The following RARB variants were observed in gnomAD, a reference collection of about 807,000 sequenced individuals.
The protein encoded by RARB is HBV-activated protein.
Under a neutral mutation model 51.9 loss-of-function variants are expected in RARB, and 17 were observed. That is an observed-to-expected ratio of 0.33 (90% CI 0.22 to 0.49). RARB has a LOEUF of 0.49. RARB is among the 20% of genes least tolerant of loss of function. RARB has a pLI of 0.99. For missense variants in RARB, 369 were observed against 550.8 expected (o/e 0.67, Z 3.30); for synonymous variants, 215 against 195.4 (o/e 1.10, Z -0.84).
rs367964482 is a variant in RARB at position 24,860,755 on chromosome 3, A to T, written c.-380+2003A>T. 3.1e-4 allele frequency among the ~76,000 whole-genome samples: 47 copies of T among 152,330 alleles called. 1 individual carries two copies. In the South Asian group the frequency reaches 9.5e-3, roughly 31 times the overall value. On this transcript the variant is annotated intron_variant, in intron 2 of 11. Coordinates refer to the RARB transcript ENST00000383772. ...TGAGACTATTTAAAAAGGAAAGCAT[A>T]ACTTGTGTCAGGTGATAATGTGCTG...
chr3:25,085,647 A>G (rs990628268), intron 3 of RARB, among the ~76,000 whole-genome samples: 2 of 152,180 alleles, frequency 1.3e-5, no homozygotes, highest in Admixed American at 1.3e-4. Context: ...ATATTTATAA[A>G]TCAGATTTTT....
chr3:25,391,290 A>C (rs537783453), intron 5 of RARB, among the ~76,000 whole-genome samples: 1 of 151,996 alleles, frequency 6.6e-6, no homozygotes, highest in East Asian at 1.9e-4. Context: ...TTATCTACTC[A>C]TTGTCTTATG....
intron 3 of RARB, among the ~76,000 whole-genome samples, chr3:25,507,219 A>G (rs766202025): frequency 6.6e-6 from 1 of 152,230 alleles, no homozygotes; most frequent in Non-Finnish European, 1.5e-5. Flanking sequence ...TAGCCCCTGA[A>G]TATAGCATGA....
At chr3:25,181,841 C>G (rs1700867841) in intron 5 of RARB, among the ~76,000 whole-genome samples, 1 of 152,076 alleles carries the variant, frequency 6.6e-6, no homozygotes, top group African/African-American at 2.4e-5. Context: ...AATCATGTCA[C>G]CGATGGCAGT....
At chr3:25,179,808 A>C in intron 5 of RARB, among the ~76,000 whole-genome samples, 1 of 152,086 alleles carries the variant, frequency 6.6e-6, no homozygotes, top group East Asian at 1.9e-4. Context: ...CAAAAACAAG[A>C]ATCTTTGTGT....
In RARB at chr3:25,473,921, G is replaced by GAAAAAAA. The variant is rs533183147; in HGVS notation, c.306+12586_306+12592dup. On this transcript the variant is annotated intron_variant, in intron 2 of 7. Transcript: ENST00000330688. ...TGGAGGTATTTTCTATGTCTGGCAG[G>GAAAAAAA]AAAAAAAAAAAACCTTTATCTTGGC... 2.6e-4 allele frequency among the ~76,000 whole-genome samples: 28 copies of GAAAAAAA among 108,298 alleles called. 3 individuals carry two copies. Among genetic ancestry groups the GAAAAAAA allele is most frequent in the Non-Finnish European group, 4.2e-4 (24 of 57,154 alleles). The allele number at this position is 108,298 out of a possible 152,430, so 71.0% of individuals were successfully genotyped here. A position where few individuals can be genotyped will look rare whatever the true frequency, so the allele number is the denominator to read the frequency against.
At chr3:25,342,961 G>T (rs544785209) in intron 5 of RARB, among the ~76,000 whole-genome samples, 2 of 151,730 alleles carry the variant, frequency 1.3e-5, no homozygotes, top group Non-Finnish European at 2.9e-5. Context: ...GTTTAAGAGG[G>T]GGGAGGGGAA....
At chr3:24,899,481 G>A (rs1203051422) in intron 2 of RARB, among the ~76,000 whole-genome samples, 6 of 152,124 alleles carry the variant, frequency 3.9e-5, no homozygotes, top group Non-Finnish European at 8.8e-5. Context: ...ATATTATATG[G>A]TTTTCTTTGC....
chr3:25,492,424 G>A (rs1696786346), intron 2 of RARB, among the ~76,000 whole-genome samples: 1 of 152,268 alleles, frequency 6.6e-6, no homozygotes, highest in African/African-American at 2.4e-5. Flanking sequence ...TGAATACATT[G>A]GCTTCACGCC....
At chr3:25,253,980 T>C (rs1702795624) in intron 5 of RARB, among the ~76,000 whole-genome samples, 1 of 152,190 alleles carries the variant, frequency 6.6e-6, no homozygotes, top group South Asian at 2.1e-4. Flanking sequence ...TTGTAGTTCA[T>C]GCATAAGGGG....
chr3:25,427,908 A>C (rs1708042066), upstream of RARB, among the ~76,000 whole-genome samples: 1 of 152,208 alleles, frequency 6.6e-6, no homozygotes, highest in Admixed American at 6.5e-5. Context: ...GAGCGGGCGC[A>C]GGCGGAACAC....
intron 3 of RARB, among the ~76,000 whole-genome samples, chr3:25,564,494 C>G (rs771394952): frequency 6.6e-6 from 1 of 152,288 alleles, no homozygotes; most frequent in Admixed American, 6.5e-5. Context: ...TAGTGATTCC[C>G]CCGCAGACCC....
intron 5 of RARB, among the ~76,000 whole-genome samples, chr3:25,250,354 C>G (rs1299471495): frequency 6.6e-6 from 1 of 152,152 alleles, no homozygotes; most frequent in Non-Finnish European, 1.5e-5. Context: ...GGGTAATTCC[C>G]AGGACCCCAG....
At position 24,976,204 on chromosome 3, in the gene RARB, A is replaced by G. The variant is rs1485520662; in HGVS notation, c.-379-83921A>G. On this transcript the variant is annotated intron_variant, in intron 2 of 11. Coordinates refer to the RARB transcript ENST00000383772. ...TTTGGGTTGGTTCCAAGTCTTTGCTATTGTGAATAGTGCTGCCATGAACAT... is the reference window on the plus strand; with the variant it reads ...TTTGGGTTGGTTCCAAGTCTTTGCTGTTGTGAATAGTGCTGCCATGAACAT... Among the ~76,000 whole-genome samples, 5 of 152,108 alleles carry G rather than the reference A, an allele frequency of 3.3e-5. 1 individual carries two copies. The highest frequency in any genetic ancestry group is 4.1e-4 in the South Asian group (2 of 4,824).
At chr3:25,397,837 C>G (rs1190491804) in intron 5 of RARB, among the ~76,000 whole-genome samples, 1 of 151,672 alleles carries the variant, frequency 6.6e-6, no homozygotes, top group African/African-American at 2.4e-5. Flanking sequence ...CAGTCCTTTT[C>G]CAGCTCAAAA....
intron 3 of RARB, among the ~76,000 whole-genome samples, chr3:25,076,885 A>G (rs1698881379): frequency 6.6e-6 from 1 of 152,206 alleles, no homozygotes; most frequent in African/African-American, 2.4e-5. Flanking sequence ...CCCATGAGAC[A>G]TTTCCCATGA....
chr3:25,433,124 A>G (rs956950295), intron 1 of RARB, among the ~76,000 whole-genome samples: 1 of 152,220 alleles, frequency 6.6e-6, no homozygotes, highest in African/African-American at 2.4e-5. Flanking sequence ...CTTGGCTGAA[A>G]ACCTTTCCAA....
intron 2 of RARB, among the ~76,000 whole-genome samples, chr3:25,483,547 T>C (rs76443626): frequency 8.7e-4 from 105 of 120,062 alleles, no homozygotes; most frequent in African/African-American, 3.7e-3. Context: ...TTTTTTTTTT[T>C]CACTCAAAAA....
intron 5 of RARB, among the ~76,000 whole-genome samples, chr3:25,395,089 G>C (rs1055829423): frequency 1.3e-5 from 2 of 152,152 alleles, no homozygotes; most frequent in African/African-American, 2.4e-5. Context: ...AGCTCTTGTA[G>C]TGTTGTCTTG....
Sources: gnomAD v4.1 joint callset for allele counts (sites outside exome capture counted in the v4.1 genomes callset) on GRCh38, gnomAD v4.1.1 for gene constraint, MANE v1.5 for transcripts, NCBI Gene and HGNC (gene_info 2026-07-23, HGNC 2026-07-21) for gene names.